The following GPSM1 variants were observed in gnomAD, a reference collection of about 807,000 sequenced individuals.
The protein encoded by GPSM1 is G protein signaling modulator 1.
In GPSM1, 48 loss-of-function variants were observed where a neutral mutation model predicts 70.5. The ratio of observed to expected loss-of-function variants is 0.68; its 90% CI spans 0.54 to 0.87. The LOEUF (loss-of-function observed/expected upper bound fraction) is 0.87. Among genes scored for constraint, GPSM1 ranks in the 40% least tolerant of loss-of-function variants. The pLI is 0.00. For synonymous variants in GPSM1, 416 were observed against 430.1 expected (o/e 0.97, Z 0.41); for missense variants, 981 against 972.6 (o/e 1.01, Z -0.11).
chr9:136,356,748 C>T (rs1484254304), intron 13 of GPSM1, among the ~76,000 whole-genome samples, 198 bp downstream of exon 13: 2 of 152,142 alleles, frequency 1.3e-5, no homozygotes, highest in African/African-American at 2.4e-5. Flanking sequence ...CTGGGAACCC[C>T]GGGCTGCTGG....
In GPSM1 at chr9:136,342,418, C is replaced by T. The variant is rs370677942; in HGVS notation, c.1207+1425C>T. 2.0e-5 allele frequency among the ~76,000 whole-genome samples: 3 copies of T among 152,218 alleles called. No homozygotes were observed. Among genetic ancestry groups the T allele is most frequent in the African/African-American group, 7.2e-5 (3 of 41,452 alleles). On this transcript the variant is annotated intron_variant, in intron 9 of 13. Transcript: ENST00000440944. This position sits in a 1 kb window ranked among gnomAD's most constrained non-coding sequence, Gnocchi z 5.5. ...GTGGGAGGACGCTGGAACAATGCAG[C>T]TTCTGTCCCTCTCTGGCTCCTCTGT...
intron 1 of GPSM1, among the ~76,000 whole-genome samples, chr9:136,327,984 G>T (rs1329397073): frequency 1.3e-5 from 2 of 152,036 alleles, no homozygotes; most frequent in African/African-American, 2.4e-5. Flanking sequence ...GGGGGTGGGG[G>T]GCCGGGGGGC....
In GPSM1 at chr9:136,327,670, GGCTCCC is replaced by G. The variant is rs1176321253; in HGVS notation, c.-17_-12del. On this transcript the variant is annotated 5_prime_UTR_variant, in exon 1 of 14. Transcript: ENST00000440944. Reference sequence around the variant, plus strand: ...CGGCCACGGCGCGGGGGGCGCTCCCGGCTCCCGCTCCCGCGTCCCCGACCCATGGCG... The same window carrying G: ...CGGCCACGGCGCGGGGGGCGCTCCCGGCTCCCGCGTCCCCGACCCATGGCG... 1.1e-5 allele frequency: 11 copies of G among 992,002 alleles called. No homozygotes were observed. The highest frequency in any genetic ancestry group is 1.4e-5 in the Non-Finnish European group (11 of 810,288). The allele number at this position is 992,002 out of a possible 1,614,324, so 61.4% of individuals were successfully genotyped here. A position where few individuals can be genotyped will look rare whatever the true frequency, so the allele number is the denominator to read the frequency against.
chr9:136,348,626 G>A, intron 9 of GPSM1, 71 bp from the exon 10 acceptor site: 1 of 1,199,438 alleles, frequency 8.3e-7, no homozygotes, highest in Non-Finnish European at 1.2e-6. Context: ...GCCCCCCAGA[G>A]ACTCTGGCCT....
At position 136,337,450 on chromosome 9, in the gene GPSM1, G is replaced by C. The variant is rs1832270578; in HGVS notation, c.588G>C (p.Leu196=). Residue 196 remains leucine (L), a synonymous_variant, in exon 5 of 14, where the codon CTG becomes CTC. Transcript: ENST00000440944. ...GGCACTCGGCCCCCAGGAGGAACCT[G>C]TCCCTGGTGAAGGAGCTGGGCGACC... ...CKASEFYERN[L]SLVKELGDRA... The C allele has an allele frequency of 1.3e-6, 2 of 1,569,878 alleles. No homozygotes were observed. The highest frequency in any genetic ancestry group is 2.7e-5 in the African/African-American group (2 of 74,482).
chr9:136,331,716 G>A (rs1308786419), intron 1 of GPSM1, among the ~76,000 whole-genome samples: 6 of 152,336 alleles, frequency 3.9e-5, no homozygotes, highest in African/African-American at 1.2e-4. Context: ...GGGCAATGCC[G>A]CTGGTCCCAG....
chr9:136,332,441 G>A (rs1434818910), intron 1 of GPSM1, among the ~76,000 whole-genome samples: 2 of 152,250 alleles, frequency 1.3e-5, no homozygotes, highest in African/African-American at 4.8e-5. Flanking sequence ...GGCGGGAGGT[G>A]GCTCCCATCA....
In GPSM1 at chr9:136,357,998, C is replaced by T. The variant is rs1588712907; in HGVS notation, c.1822-16C>T. 5 of 1,605,536 alleles carry T rather than the reference C, an allele frequency of 3.1e-6. No individual in the cohort carries two copies. Among genetic ancestry groups the T allele is most frequent in the Non-Finnish European group, 3.4e-6 (4 of 1,173,646 alleles). ...GCTGGGGGGGTGAGGCCGCCAACTG[C>T]ACTGTGTCCACCCAGTCCTCCAGGA... On this transcript the variant is annotated splice_polypyrimidine_tract_variant and intron_variant, in intron 13 of 13. Transcript: ENST00000440944.
rs199528885 is a variant in GPSM1, at chr9:136,356,395, G to A, written c.1666G>A (p.Ala556Thr). ...PQTEEFFDLIASSQSRRLDDQ... is the reference protein window; with the variant it reads ...PQTEEFFDLITSSQSRRLDDQ... ...GACCGAGGAATTCTTCGACCTCATC[G>A]CCAGCTCCCAGAGCCGCCGGCTGGA... Residue 556 changes from alanine to threonine, a missense_variant, in exon 13 of 14, where the codon GCC (alanine) becomes ACC (threonine). Transcript: ENST00000440944. 8.0e-5 allele frequency: 129 copies of A among 1,608,370 alleles called. No homozygotes were observed. The African/African-American group carries it at 1.5e-3, about 19-fold the overall frequency.
Position 136,358,346 on chromosome 9 carries a change from C to T in GPSM1, c.*126C>T, listed in dbSNP as rs146178394. 1.3e-5 allele frequency: 11 copies of T among 871,800 alleles called. No individual in the cohort carries two copies. Among genetic ancestry groups the T allele is most frequent in the Admixed American group, 1.1e-4 (4 of 36,048 alleles). 54.0% of individuals were successfully genotyped at this position (871,800 alleles called of 1,614,324 possible). On this transcript the variant is annotated 3_prime_UTR_variant, in exon 14 of 14. Transcript: ENST00000440944. ...TGGGCATGCAGCCCCACGGCCTCCC[C>T]GACCCAGGGCGACAGGCTCAGGCCA...
chr9:136,357,892 C>T (rs1832879154), intron 13 of GPSM1, 122 bp from the exon 14 acceptor site: 2 of 722,632 alleles, frequency 2.8e-6, no homozygotes, highest in East Asian at 5.9e-5. Context: ...AACCAATTTC[C>T]TGGGTGGACA....
chr9:136,328,100 CAG>C (rs1832020764), intron 1 of GPSM1, among the ~76,000 whole-genome samples: 1 of 152,200 alleles, frequency 6.6e-6, no homozygotes, highest in Non-Finnish European at 1.5e-5. Context: ...CCGGGGCACT[CAG>C]GGGCATCATG....
At chr9:136,346,857 C>T (rs868957550) in intron 9 of GPSM1, among the ~76,000 whole-genome samples, 8 of 152,168 alleles carry the variant, frequency 5.3e-5, no homozygotes, top group African/African-American at 4.8e-5. Flanking sequence ...CTGAAATGAC[C>T]GAGTGACTGC....
rs1832734109 is a variant in GPSM1, at chr9:136,353,714, C to CCACCTGGGCCCCGGGT, written c.1456-1967_1456-1952dup. Among the ~76,000 whole-genome samples, 3 of 152,328 alleles carry CCACCTGGGCCCCGGGT rather than the reference C, an allele frequency of 2.0e-5. No homozygotes were observed. In the South Asian group the frequency reaches 6.2e-4, roughly 32 times the overall value. On this transcript the variant is annotated intron_variant, in intron 11 of 13. Transcript: ENST00000440944. ...TTTCCCAGGAGGGACCTTGCTCAGT[C>CCACCTGGGCCCCGGGT]CACCTGGGCCCCGGGTCACCTGGGG...
intron 6 of GPSM1, among the ~76,000 whole-genome samples, chr9:136,338,172 G>A (rs1051914297): frequency 6.6e-6 from 1 of 152,196 alleles, no homozygotes; most frequent in Admixed American, 6.5e-5. Flanking sequence ...GGAGGTCTGG[G>A]CCATCTGCCT....
rs1832456756 is a variant in GPSM1 at position 136,343,992 on chromosome 9, C to T, written c.1207+2999C>T. Among the ~76,000 whole-genome samples, 3 of 152,198 alleles carry T rather than the reference C, an allele frequency of 2.0e-5. No individual in the cohort carries two copies. Among genetic ancestry groups the T allele is most frequent in the South Asian group, 2.1e-4 (1 of 4,832 alleles). On this transcript the variant is annotated intron_variant, in intron 9 of 13. Transcript: ENST00000440944. The surrounding 1 kb of genome is among the most constrained non-coding windows in gnomAD (Gnocchi z 6.0). Reference sequence around the variant, plus strand: ...TGCTGCTTGGTCACCAGGCTCCTGCCGTGTGCCAGGCACTGCTGGGGCCCT... The same window carrying T: ...TGCTGCTTGGTCACCAGGCTCCTGCTGTGTGCCAGGCACTGCTGGGGCCCT...
chr9:136,334,910 C>T (rs1307131915), intron 2 of GPSM1, among the ~76,000 whole-genome samples: 1 of 152,302 alleles, frequency 6.6e-6, no homozygotes, highest in East Asian at 1.9e-4. Context: ...CAGGTGGACG[C>T]TTCCTGTCCT....
intron 1 of GPSM1, 73 bp from the exon 2 acceptor site, chr9:136,334,367 TGTAGTGA>T (rs1832175412): frequency 1.0e-6 from 1 of 997,160 alleles, no homozygotes; most frequent in Non-Finnish European, 1.5e-6. Context: ...GGGCGTCGTC[TGTAGTGA>T]AGCCACGGAG....
In GPSM1 at chr9:136,341,769, G is replaced by A. The variant is rs556160926; in HGVS notation, c.1207+776G>A. On this transcript the variant is annotated intron_variant, in intron 9 of 13. Transcript: ENST00000440944. This position sits in a 1 kb window ranked among gnomAD's most constrained non-coding sequence, Gnocchi z 6.7. ...GACCAGGCTGGGAACACCAGGCTTG[G>A]ATGTGGTGCTGGGCTGCCGGAGTTT... 5.1e-6 allele frequency: 5 copies of A among 985,616 alleles called. No individual in the cohort carries two copies. In the South Asian group the frequency reaches 2.3e-4, roughly 46 times the overall value. 61.1% of individuals were successfully genotyped at this position (985,616 alleles called of 1,614,324 possible). A position where few individuals can be genotyped will look rare whatever the true frequency, so the allele number is the denominator to read the frequency against.
Sources: gnomAD v4.1 joint callset for allele counts (sites outside exome capture counted in the v4.1 genomes callset) on GRCh38, gnomAD v4.1.1 for gene constraint, Gnocchi (gnomAD v3.1) non-coding constraint, MANE v1.5 for transcripts, NCBI Gene and HGNC (gene_info 2026-07-23, HGNC 2026-07-21) for gene names.